Variants in SLC25A26 observed in about 807,000 individuals in gnomAD.
SLC25A26 encodes mitochondrial S-adenosylmethionine carrier protein.
SLC25A26 carries 36 observed loss-of-function variants against 37.8 expected under a neutral mutation model. The observed-to-expected ratio is 0.95, with a 90% confidence interval of 0.73 to 1.26. SLC25A26 has a LOEUF of 1.26. Ranked by LOEUF, SLC25A26 falls within the 50% of genes most tolerant of loss-of-function variation. SLC25A26 has a pLI of 0.00. For missense variants in SLC25A26, 390 were observed against 331.1 expected (o/e 1.18, Z -1.38); for synonymous variants, 129 against 122.5 (o/e 1.05, Z -0.35).
At position 66,377,858 on chromosome 3, in the gene SLC25A26, C is replaced by T. The variant is rs1046844; in HGVS notation, c.*51C>T. 0.24 allele frequency: 329,609 copies of T among 1,358,296 alleles called. 44,465 individuals carry two copies. Among genetic ancestry groups the T allele is most frequent in the African/African-American group, 0.52 (36,052 of 69,968 alleles). The allele number at this position is 1,358,296 out of a possible 1,614,324, so 84.1% of individuals were successfully genotyped here. A position where few individuals can be genotyped will look rare whatever the true frequency, so the allele number is the denominator to read the frequency against. On this transcript the variant is annotated 3_prime_UTR_variant, in exon 10 of 10. Coordinates refer to ENST00000354883, the MANE Select transcript of SLC25A26 (RefSeq NM_001379210.1). ...TCTGTCAAGAGAGGGGCCTGCAGTG[C>T]AAACCCTCTTCCGCTGAGCAGCTGT...
chr3:66,236,321 A>G (rs939402911), intron 1 of SLC25A26, among the ~76,000 whole-genome samples: 3 of 151,452 alleles, frequency 2.0e-5, no homozygotes, highest in African/African-American at 7.3e-5. Flanking sequence ...TTAAAAAGAA[A>G]ATATAAAATT....
intron 1 of SLC25A26, among the ~76,000 whole-genome samples, chr3:66,195,582 G>T (rs1049706782): frequency 6.6e-6 from 1 of 152,222 alleles, no homozygotes; most frequent in Non-Finnish European, 1.5e-5. Flanking sequence ...GCAGGCCCTC[G>T]GGCTAGCGTC....
intron 6 of SLC25A26, among the ~76,000 whole-genome samples, chr3:66,361,758 G>T (rs1329230048): frequency 6.6e-6 from 1 of 152,172 alleles, no homozygotes; most frequent in Non-Finnish European, 1.5e-5. Context: ...GAGGTCAGGA[G>T]TTCGACACCA....
intron 3 of SLC25A26, among the ~76,000 whole-genome samples, chr3:66,252,503 G>A (rs2073124226): frequency 6.6e-6 from 1 of 152,266 alleles, no homozygotes; most frequent in Admixed American, 6.5e-5. Context: ...TTGTCTGTAG[G>A]CCATTTACTT....
At chr3:66,256,573 A>T (rs1472723004) in intron 3 of SLC25A26, among the ~76,000 whole-genome samples, 3 of 152,204 alleles carry the variant, frequency 2.0e-5, no homozygotes, top group African/African-American at 7.2e-5. Flanking sequence ...AAGTATATGT[A>T]TAGGCAATAA....
chr3:66,208,974 GTA>G (rs1553655988), intron 1 of SLC25A26, among the ~76,000 whole-genome samples: 1 of 83,130 alleles, frequency 1.2e-5, no homozygotes, highest in African/African-American at 5.4e-5. Flanking sequence ...ATAAAGGTGT[GTA>G]TATATATATA....
Position 66,362,920 on chromosome 3 carries a change from G to C in SLC25A26, c.559G>C (p.Ala187Pro), listed in dbSNP as rs1381257857. ...TTCTTGGCAGTCAGCAGTCTGTGGAGCTTTTGCAGGTGCAAAGGATTATAT... is the reference window on the plus strand; with the variant it reads ...TTCTTGGCAGTCAGCAGTCTGTGGACCTTTTGCAGGTGCAAAGGATTATAT... ...VDSWQSAVCG[A>P]FAGGFAAAVT... Residue 187 changes from alanine to proline, a missense_variant, in exon 7 of 10, where the codon GCT becomes CCT. By Grantham distance (27) the Ala-to-Pro change is conservative. Coordinates refer to ENST00000354883, the MANE Select transcript of SLC25A26 (RefSeq NM_001379210.1). The C allele has an allele frequency of 6.2e-7, 1 of 1,604,592 alleles. No homozygotes were observed. Among genetic ancestry groups the C allele is most frequent in the Admixed American group, 1.7e-5 (1 of 59,100 alleles).
intron 5 of SLC25A26, among the ~76,000 whole-genome samples, chr3:66,294,217 G>C (rs982183193): frequency 6.6e-6 from 1 of 152,010 alleles, no homozygotes; most frequent in African/African-American, 2.4e-5. Flanking sequence ...GTGTTTTCTA[G>C]TTCTCCTTGT....
intron 2 of SLC25A26, among the ~76,000 whole-genome samples, chr3:66,240,986 A>G (rs1019075161): frequency 6.6e-5 from 10 of 151,806 alleles, no homozygotes; most frequent in Admixed American, 2.0e-4. Flanking sequence ...TGACCTCGTG[A>G]TCCACCTGCC....
chr3:66,316,337 T>G (rs1367676207), intron 5 of SLC25A26, among the ~76,000 whole-genome samples: 2 of 151,200 alleles, frequency 1.3e-5, no homozygotes, highest in Admixed American at 1.3e-4. Context: ...CAGCATTTGC[T>G]TGTCTGAAAA....
At chr3:66,277,901 G>C (rs2074211369) in intron 5 of SLC25A26, among the ~76,000 whole-genome samples, 1 of 152,102 alleles carries the variant, frequency 6.6e-6, no homozygotes, top group Admixed American at 6.6e-5. Context: ...AACCGAGATT[G>C]AGAGACATTG....
chr3:66,306,375 C>CT (rs35947647), intron 5 of SLC25A26, among the ~76,000 whole-genome samples: 1 of 151,962 alleles, frequency 6.6e-6, no homozygotes, highest in South Asian at 2.1e-4. Flanking sequence ...TGATGTTGAG[C>CT]TTTTTTTTCT....
At chr3:66,302,564 G>A (rs1454332342) in intron 5 of SLC25A26, among the ~76,000 whole-genome samples, 1 of 152,126 alleles carries the variant, frequency 6.6e-6, no homozygotes, top group East Asian at 1.9e-4. Context: ...GTAAGCAGCG[G>A]TTCTCCACCA....
chr3:66,178,365 C>G (rs969491230), intron 1 of SLC25A26, among the ~76,000 whole-genome samples: 8 of 152,148 alleles, frequency 5.3e-5, no homozygotes, highest in South Asian at 2.1e-4. Flanking sequence ...CCATCTTCAA[C>G]CAATGGGGAA....
At chr3:66,254,394 A>G (rs2073219712) in intron 3 of SLC25A26, among the ~76,000 whole-genome samples, 1 of 152,232 alleles carries the variant, frequency 6.6e-6, no homozygotes, top group East Asian at 1.9e-4. Flanking sequence ...CATTTCAAAA[A>G]TCTTCATAGT....
intron 5 of SLC25A26, among the ~76,000 whole-genome samples, chr3:66,276,486 A>G (rs574005943): frequency 1.6e-4 from 24 of 152,226 alleles, no homozygotes; most frequent in Admixed American, 5.9e-4. Context: ...GTGTTAGAGG[A>G]TTCTAAAGGA....
intron 1 of SLC25A26, among the ~76,000 whole-genome samples, chr3:66,148,942 A>G (rs1246661917): frequency 6.6e-6 from 1 of 152,218 alleles, no homozygotes; most frequent in Non-Finnish European, 1.5e-5. Context: ...ATCATTTGTC[A>G]AGGACAGACA....
chr3:66,246,257 C>T (rs797030124), intron 3 of SLC25A26, among the ~76,000 whole-genome samples: 6 of 152,216 alleles, frequency 3.9e-5, no homozygotes, highest in African/African-American at 1.4e-4. Context: ...TTGTTGAGAG[C>T]AAGCAACAAA....
intron 6 of SLC25A26, 31 bp downstream of exon 6, chr3:66,346,439 T>A: frequency 7.9e-7 from 1 of 1,258,430 alleles, no homozygotes; most frequent in Non-Finnish European, 1.1e-6. Context: ...ATAAAATTTG[T>A]CTCTAATTAT....
Sources: allele counts gnomAD v4.1 joint callset (sites outside exome capture counted in the v4.1 genomes callset), GRCh38; gene constraint gnomAD v4.1.1; transcripts MANE v1.5; gene names NCBI Gene and HGNC (gene_info 2026-07-23, HGNC 2026-07-21).